The following TANGO6 variants were observed in gnomAD, a reference collection of about 807,000 sequenced individuals.
TANGO6 encodes the protein transport and Golgi organization protein 6 homolog.
A neutral mutation model predicts 114.2 loss-of-function variants in TANGO6; 90 were observed. The observed-to-expected ratio is 0.79, with a 90% confidence interval of 0.66 to 0.94. The LOEUF is 0.94. Ranked by LOEUF, TANGO6 falls within the 40% of genes least tolerant of loss-of-function variation. The pLI is 0.00. For synonymous variants in TANGO6, 477 were observed against 509.8 expected (o/e 0.94, Z 0.87); for missense variants, 1,274 against 1,315.3 (o/e 0.97, Z 0.49).
intron 15 of TANGO6, among the ~76,000 whole-genome samples, chr16:68,999,662 T>A (rs916562783): frequency 2.0e-5 from 3 of 152,250 alleles, no homozygotes; most frequent in Non-Finnish European, 1.5e-5. Context: ...AACTTTGTTT[T>A]ATACTCCTTA....
At chr16:68,858,150 G>C (rs1962030635) in intron 1 of TANGO6, among the ~76,000 whole-genome samples, 1 of 150,764 alleles carries the variant, frequency 6.6e-6, no homozygotes. Flanking sequence ...TGCAACCTCT[G>C]CCTCCTGGGT....
At chr16:68,848,983 C>T (rs1961859654) in intron 1 of TANGO6, among the ~76,000 whole-genome samples, 2 of 152,218 alleles carry the variant, frequency 1.3e-5, no homozygotes, top group African/African-American at 4.8e-5. Flanking sequence ...GAAAACAACT[C>T]TCTCTAAGGA....
chr16:69,043,969 G>A (rs945423335), intron 17 of TANGO6, among the ~76,000 whole-genome samples: 5 of 152,164 alleles, frequency 3.3e-5, no homozygotes, highest in African/African-American at 1.2e-4. Context: ...AAACATCAAC[G>A]CCCCTAACTC....
intron 1 of TANGO6, among the ~76,000 whole-genome samples, chr16:68,853,992 A>G (rs1467504466): frequency 2.0e-5 from 3 of 152,200 alleles, no homozygotes; most frequent in South Asian, 2.1e-4. Context: ...TGAGCTATAA[A>G]CTGTTTTCAT....
intron 14 of TANGO6, among the ~76,000 whole-genome samples, chr16:68,972,521 G>A (rs1275137598): frequency 6.6e-6 from 1 of 152,094 alleles, no homozygotes; most frequent in Non-Finnish European, 1.5e-5. Flanking sequence ...CTTAATTCCT[G>A]AAATTTATAT....
At chr16:69,072,068 T>TGTGTGTGTGTGG (rs1555530579) in intron 17 of TANGO6, among the ~76,000 whole-genome samples, 1 of 100,542 alleles carries the variant, frequency 9.9e-6, no homozygotes, top group African/African-American at 4.3e-5. Flanking sequence ...TGTGTGTGTG[T>TGTGTGTGTGTGG]AGAGAGAGGG....
chr16:68,895,096 A>T (rs1056494181), intron 7 of TANGO6, among the ~76,000 whole-genome samples: 1 of 152,160 alleles, frequency 6.6e-6, no homozygotes, highest in African/African-American at 2.4e-5. Flanking sequence ...GACTCCTCTT[A>T]TGAAGACTTT....
intron 14 of TANGO6, among the ~76,000 whole-genome samples, chr16:68,933,473 T>A (rs574927634): frequency 4.3e-4 from 66 of 152,226 alleles, no homozygotes; most frequent in Admixed American, 2.7e-3. Context: ...CACCAATCAT[T>A]TATTATCACT....
chr16:69,039,539 G>C (rs759846147), intron 16 of TANGO6, among the ~76,000 whole-genome samples: 6 of 150,950 alleles, frequency 4.0e-5, no homozygotes, highest in African/African-American at 1.5e-4. Flanking sequence ...GGGAGGCTGA[G>C]GTGGGAGGGT....
intron 17 of TANGO6, among the ~76,000 whole-genome samples, chr16:69,064,822 C>A (rs1449039287): frequency 4.6e-5 from 7 of 152,148 alleles, no homozygotes; most frequent in African/African-American, 1.7e-4. Flanking sequence ...ACTCAATCAG[C>A]AGTAGTAGTG....
intron 11 of TANGO6, among the ~76,000 whole-genome samples, chr16:68,911,786 A>C (rs1275282747): frequency 6.6e-6 from 1 of 152,220 alleles, no homozygotes; most frequent in East Asian, 1.9e-4. Flanking sequence ...GTTGATTCGA[A>C]GTCTGAGGCA....
intron 17 of TANGO6, among the ~76,000 whole-genome samples, chr16:69,063,818 T>G (rs1381125603): frequency 7.9e-6 from 1 of 125,960 alleles, no homozygotes; most frequent in Non-Finnish European, 1.6e-5. Flanking sequence ...CTTATTATTA[T>G]TATTATTATT....
In TANGO6 at chr16:68,954,985, T is replaced by C. The variant is rs148589465; in HGVS notation, c.2702-19043T>C. Among the ~76,000 whole-genome samples the C allele has an allele frequency of 2.0e-5, 3 of 152,352 alleles. No homozygotes were observed. In the East Asian group the frequency reaches 5.8e-4, roughly 29 times the overall value. On this transcript the variant is annotated intron_variant, in intron 14 of 17. Coordinates refer to ENST00000261778, the MANE Select transcript of TANGO6 (RefSeq NM_024562.2). Reference sequence around the variant, plus strand: ...GAGAATGTTTTTAAAATTACATGGCTGTTTAGGGAAACTGAATTGTTTCAT... The same window carrying C: ...GAGAATGTTTTTAAAATTACATGGCCGTTTAGGGAAACTGAATTGTTTCAT...
At chr16:68,973,663 T>G (rs1963732481) in intron 14 of TANGO6, among the ~76,000 whole-genome samples, 1 of 152,210 alleles carries the variant, frequency 6.6e-6, no homozygotes, top group African/African-American at 2.4e-5. Flanking sequence ...ATGTCCAGGA[T>G]GCTCTGAAAA....
At chr16:68,882,849 T>C (rs566176205) in intron 7 of TANGO6, among the ~76,000 whole-genome samples, 29 of 152,074 alleles carry the variant, frequency 1.9e-4, no homozygotes, top group Middle Eastern at 3.4e-3. Context: ...AAACCCTGTC[T>C]CTACTAAAAA....
chr16:68,969,074 T>C (rs9937044), intron 14 of TANGO6, among the ~76,000 whole-genome samples: 13,242 of 152,254 alleles, frequency 0.087, 664 homozygotes, highest in African/African-American at 0.13. Context: ...GATTCACTTT[T>C]ACCTTCTCTA....
At chr16:69,001,763 C>T (rs1372113150) in intron 15 of TANGO6, among the ~76,000 whole-genome samples, 19 of 152,116 alleles carry the variant, frequency 1.2e-4, no homozygotes, top group African/African-American at 2.4e-5. Flanking sequence ...GACGTTCCCC[C>T]GAAGCTGGTG....
chr16:69,015,838 A>G (rs1959286995), intron 15 of TANGO6, among the ~76,000 whole-genome samples: 2 of 152,172 alleles, frequency 1.3e-5, no homozygotes, highest in Admixed American at 6.5e-5. Context: ...ATTTACATAA[A>G]TGGAACGTTA....
chr16:68,851,453 CG>C (rs1188407715), intron 1 of TANGO6, among the ~76,000 whole-genome samples: 2 of 152,168 alleles, frequency 1.3e-5, no homozygotes, highest in Admixed American at 6.5e-5. Flanking sequence ...CCACCACGCC[CG>C]GCCTGCATCT....
Sources: gnomAD v4.1 joint callset for allele counts (sites outside exome capture counted in the v4.1 genomes callset) on GRCh38, gnomAD v4.1.1 for gene constraint, MANE v1.5 for transcripts, NCBI Gene and HGNC (gene_info 2026-07-23, HGNC 2026-07-21) for gene names.